CFAP299: variants seen among roughly 807,000 people sequenced by gnomAD.
CFAP299 encodes cilia and flagella associated protein 299.
CFAP299 carries 21 observed loss-of-function variants against 27.0 expected under a neutral mutation model. That is an observed-to-expected ratio of 0.78 (90% CI 0.55 to 1.12). CFAP299 has a LOEUF of 1.12. Among genes scored for constraint, CFAP299 ranks in the 50% most tolerant of loss-of-function variants. The probability of loss-of-function intolerance (pLI) is 0.00; values close to 1 mark genes in which losing one functional copy is unlikely to be tolerated. For synonymous variants in CFAP299, 104 were observed against 98.1 expected (o/e 1.06, Z -0.36); for missense variants, 310 against 276.6 (o/e 1.12, Z -0.86).
the CFAP299 span, among the ~76,000 whole-genome samples, chr4:80,330,495 C>T: frequency 2.6e-5 from 4 of 152,138 alleles, no homozygotes; most frequent in African/African-American, 9.7e-5. Flanking sequence ...GAACATACCT[C>T]TCGTTTTCTC....
chr4:80,800,030 A>G (rs1433761286), intron 3 of CFAP299, among the ~76,000 whole-genome samples: 4 of 54,082 alleles, frequency 7.4e-5, no homozygotes, highest in African/African-American at 1.6e-4. Flanking sequence ...TATTATATAT[A>G]ATATATAATA....
At chr4:80,882,618 A>G (rs1423199882) in intron 4 of CFAP299, among the ~76,000 whole-genome samples, 2 of 151,342 alleles carry the variant, frequency 1.3e-5, no homozygotes, top group African/African-American at 4.9e-5. Flanking sequence ...GGCTTGGGCA[A>G]AAGAGCGAGA....
intron 2 of CFAP299, among the ~76,000 whole-genome samples, chr4:80,407,339 C>T (rs943634800): frequency 3.3e-5 from 5 of 152,136 alleles, no homozygotes; most frequent in African/African-American, 9.7e-5. Context: ...TATGGGTTGG[C>T]TGGGCTCAGT....
chr4:80,959,362 A>T (rs1258300681), intron 5 of CFAP299, among the ~76,000 whole-genome samples: 1 of 152,132 alleles, frequency 6.6e-6, no homozygotes, highest in Non-Finnish European at 1.5e-5. Flanking sequence ...TGAAATTATG[A>T]CTGATAACAT....
intron 3 of CFAP299, among the ~76,000 whole-genome samples, chr4:80,681,427 CAA>C (rs34709357): frequency 0.014 from 1,945 of 143,640 alleles, 23 homozygotes; most frequent in Middle Eastern, 0.031. Context: ...GTGCCAGAGG[CAA>C]AAAAAAAAAC....
At chr4:80,839,781 C>T (rs1052043111) in intron 3 of CFAP299, among the ~76,000 whole-genome samples, 1 of 151,726 alleles carries the variant, frequency 6.6e-6, no homozygotes, top group Non-Finnish European at 1.5e-5. Flanking sequence ...TTAAAAATCC[C>T]CCTAAATGTC....
At chr4:80,779,850 T>C (rs1726771450) in intron 3 of CFAP299, among the ~76,000 whole-genome samples, 2 of 152,038 alleles carry the variant, frequency 1.3e-5, no homozygotes, top group African/African-American at 4.8e-5. Context: ...ATAGGACCTT[T>C]CTTTGAAGAA....
chr4:80,794,378 A>G (rs1727736652), intron 3 of CFAP299, among the ~76,000 whole-genome samples: 1 of 152,184 alleles, frequency 6.6e-6, no homozygotes, highest in South Asian at 2.1e-4. Context: ...AAGTGTTGCC[A>G]CTTCCACTTC....
chr4:80,798,671 G>C (rs1038145930), intron 3 of CFAP299, among the ~76,000 whole-genome samples: 8 of 152,024 alleles, frequency 5.3e-5, no homozygotes, highest in African/African-American at 1.9e-4. Flanking sequence ...CTCAGTATCT[G>C]CTTCTAAAGC....
At chr4:80,693,000 C>T (rs1351173191) in intron 3 of CFAP299, among the ~76,000 whole-genome samples, 1 of 152,246 alleles carries the variant, frequency 6.6e-6, no homozygotes, top group East Asian at 1.9e-4. Flanking sequence ...CAATGAGATA[C>T]CATCTCACAC....
chr4:80,900,123 AGTGTGTGTGTGTGTGTGT>A (rs3038537), intron 4 of CFAP299, among the ~76,000 whole-genome samples: 3 of 139,794 alleles, frequency 2.1e-5, no homozygotes, highest in Admixed American at 7.2e-5. Flanking sequence ...AGTGGAAGAA[AGTGTGTGTGTGTGTGTGT>A]GTGTGTGTGT....
At chr4:80,597,885 C>T (rs1451125169) in intron 3 of CFAP299, among the ~76,000 whole-genome samples, 6 of 152,106 alleles carry the variant, frequency 3.9e-5, no homozygotes, top group Non-Finnish European at 8.8e-5. Context: ...CTGGGTTTTG[C>T]CATGTTGGCC....
chr4:80,639,084 A>G (rs1739595179), intron 3 of CFAP299, among the ~76,000 whole-genome samples: 1 of 151,974 alleles, frequency 6.6e-6, no homozygotes, highest in Non-Finnish European at 1.5e-5. Context: ...CCTCACCTAA[A>G]CCTAATTACC....
intron 3 of CFAP299, among the ~76,000 whole-genome samples, chr4:80,846,084 G>T (rs1731167698): frequency 6.6e-6 from 1 of 152,080 alleles, no homozygotes; most frequent in South Asian, 2.1e-4. Flanking sequence ...ATAAATGATA[G>T]CATCCTTAAT....
chr4:80,823,998 C>G (rs1729847228), intron 3 of CFAP299, among the ~76,000 whole-genome samples: 1 of 151,750 alleles, frequency 6.6e-6, no homozygotes. Context: ...TATTTTCATT[C>G]CCATAAAACT....
intron 2 of CFAP299, among the ~76,000 whole-genome samples, chr4:80,493,924 C>T (rs535600039): frequency 2.6e-4 from 39 of 151,178 alleles, no homozygotes; most frequent in Admixed American, 2.6e-4. Flanking sequence ...TACAGGCGCC[C>T]GCCACCACGC....
intron 4 of CFAP299, among the ~76,000 whole-genome samples, chr4:80,908,797 T>C (rs1175623414): frequency 6.6e-6 from 1 of 152,126 alleles, no homozygotes; most frequent in Non-Finnish European, 1.5e-5. Flanking sequence ...AATGCTCAGT[T>C]CTCTCATCAC....
intron 2 of CFAP299, among the ~76,000 whole-genome samples, chr4:80,562,509 G>T (rs369227224): frequency 6.6e-5 from 10 of 151,372 alleles, no homozygotes; most frequent in African/African-American, 2.4e-4. Context: ...GCCTTTGTTA[G>T]GCTCTAACCA....
intron 4 of CFAP299, among the ~76,000 whole-genome samples, chr4:80,891,614 G>T (rs1430800958): frequency 2.5e-5 from 2 of 80,740 alleles, no homozygotes; most frequent in African/African-American, 1.0e-4. Context: ...GGGGACTGTG[G>T]TGGGGTCGGG....
Sources: allele counts gnomAD v4.1 joint callset (sites outside exome capture counted in the v4.1 genomes callset), GRCh38; gene constraint gnomAD v4.1.1; transcripts MANE v1.5; gene names NCBI Gene and HGNC (gene_info 2026-07-23, HGNC 2026-07-21).